Variants in TBC1D5 observed in about 807,000 individuals in gnomAD.
The protein encoded by TBC1D5 is TBC1 domain family, member 5.
In TBC1D5, 75 loss-of-function variants were observed where a neutral mutation model predicts 100.3. That is an observed-to-expected ratio of 0.75 (90% CI 0.62 to 0.91). TBC1D5 has a LOEUF of 0.91. TBC1D5 is among the 40% of genes least tolerant of loss of function. The pLI, the probability that TBC1D5 is intolerant of heterozygous loss-of-function variation, is 0.00. For synonymous variants in TBC1D5, 323 were observed against 325.6 expected (o/e 0.99, Z 0.09); for missense variants, 910 against 942.4 (o/e 0.97, Z 0.45).
chr3:17,300,717 T>C (rs1201184856), intron 14 of TBC1D5, among the ~76,000 whole-genome samples: 2 of 152,192 alleles, frequency 1.3e-5, no homozygotes, highest in South Asian at 2.1e-4. Flanking sequence ...TTTCCATTTA[T>C]GGTGTTCAAA....
chr3:17,513,713 A>G (rs1345299661), intron 2 of TBC1D5, among the ~76,000 whole-genome samples: 4 of 152,202 alleles, frequency 2.6e-5, no homozygotes, highest in Non-Finnish European at 5.9e-5. Flanking sequence ...TTCTCCTATA[A>G]GAAAAGCACA....
At chr3:17,666,432 C>G (rs752471274) in intron 1 of TBC1D5, among the ~76,000 whole-genome samples, 1 of 152,106 alleles carries the variant, frequency 6.6e-6, no homozygotes, top group Non-Finnish European at 1.5e-5. Context: ...AAGTAACATA[C>G]TAGAATCACC....
At chr3:17,341,171 C>T (rs924721217) in intron 13 of TBC1D5, among the ~76,000 whole-genome samples, 1 of 152,102 alleles carries the variant, frequency 6.6e-6, no homozygotes, top group African/African-American at 2.4e-5. Flanking sequence ...ATGTTGAGCA[C>T]TTTACATGTA....
At chr3:17,321,237 T>TA (rs1274539210) in intron 13 of TBC1D5, among the ~76,000 whole-genome samples, 7 of 152,224 alleles carry the variant, frequency 4.6e-5, no homozygotes, top group Non-Finnish European at 8.8e-5. Context: ...TCAGTTACTT[T>TA]AAAAAAACAT....
intron 2 of TBC1D5, among the ~76,000 whole-genome samples, chr3:17,523,239 T>A (rs79912166): frequency 0.023 from 3,448 of 152,246 alleles, 123 homozygotes; most frequent in African/African-American, 0.078. Context: ...TGAACCTTCT[T>A]CAGAAACTCA....
chr3:17,372,925 C>T (rs1419348958), intron 12 of TBC1D5, among the ~76,000 whole-genome samples: 1 of 152,100 alleles, frequency 6.6e-6, no homozygotes, highest in African/African-American at 2.4e-5. Context: ...TCCCTGTAAA[C>T]AGCCAGAGAG....
At chr3:17,742,253 G>GGGCGGTGCGGCAACCCGTCCGCCGTGGC (rs1358851402), upstream of TBC1D5, among the ~76,000 whole-genome samples, 11 of 152,292 alleles carry the variant, frequency 7.2e-5, no homozygotes, top group Non-Finnish European at 1.6e-4. Flanking sequence ...CACAAACGGG[G>GGGCGGTGCGGCAACCCGTCCGCCGTGGC]GGCGGTGCGG....
chr3:17,170,678 C>G (rs990487730), intron 19 of TBC1D5, among the ~76,000 whole-genome samples: 2 of 151,782 alleles, frequency 1.3e-5, no homozygotes, highest in Non-Finnish European at 2.9e-5. Flanking sequence ...GTCAGTGGCT[C>G]TAGTGGAAAA....
chr3:17,637,050 GT>G (rs1214259270), intron 1 of TBC1D5, among the ~76,000 whole-genome samples: 1 of 149,142 alleles, frequency 6.7e-6, no homozygotes, highest in African/African-American at 2.5e-5. Context: ...GAGACGGAGT[GT>G]CACTCTGTCG....
At chr3:17,416,592 A>T (rs2094079467) in intron 4 of TBC1D5, among the ~76,000 whole-genome samples, 1 of 152,232 alleles carries the variant, frequency 6.6e-6, no homozygotes, top group Non-Finnish European at 1.5e-5. Flanking sequence ...AAATAAGTCA[A>T]CTTAATTCCA....
At chr3:17,422,254 C>T (rs1055448429) in intron 4 of TBC1D5, among the ~76,000 whole-genome samples, 2 of 152,022 alleles carry the variant, frequency 1.3e-5, no homozygotes, top group Non-Finnish European at 2.9e-5. Context: ...CTGCAACCTC[C>T]GCCTCCCAGG....
intron 2 of TBC1D5, among the ~76,000 whole-genome samples, chr3:17,556,979 A>ATT (rs1357840130): frequency 1.3e-5 from 2 of 152,190 alleles, no homozygotes; most frequent in African/African-American, 4.8e-5. Flanking sequence ...GCAAATTTAC[A>ATT]TTTTTATATT....
intron 1 of TBC1D5, among the ~76,000 whole-genome samples, chr3:17,732,930 G>C (rs1349383400): frequency 6.6e-6 from 1 of 152,064 alleles, no homozygotes; most frequent in Non-Finnish European, 1.5e-5. Context: ...TTTTGTAGTA[G>C]TTTTGTGACA....
Position 17,178,592 on chromosome 3 carries a change from G to A in TBC1D5, c.1852+6517C>T, listed in dbSNP as rs529304256. Among the ~76,000 whole-genome samples the A allele has an allele frequency of 3.4e-3, 520 of 152,212 alleles. 4 individuals carry two copies. Among genetic ancestry groups the A allele is most frequent in the African/African-American group, 0.011 (472 of 41,546 alleles). On this transcript the variant is annotated intron_variant, in intron 19 of 21. Coordinates refer to ENST00000253692, the Ensembl canonical transcript of TBC1D5. ...TTTAGTTTTTAGGAACCTCCAAACTGTTCTCTATAGTAGCTGTACCAATTT... is the reference window on the plus strand; with the variant it reads ...TTTAGTTTTTAGGAACCTCCAAACTATTCTCTATAGTAGCTGTACCAATTT...
At chr3:17,738,947 C>T (rs1171724008) in intron 1 of TBC1D5, among the ~76,000 whole-genome samples, 3 of 152,188 alleles carry the variant, frequency 2.0e-5, no homozygotes, top group African/African-American at 7.2e-5. Context: ...CTAAACACTT[C>T]ACAGGTTTTT....
At chr3:17,252,536 G>A (rs557066167) in intron 16 of TBC1D5, among the ~76,000 whole-genome samples, 14 of 152,310 alleles carry the variant, frequency 9.2e-5, no homozygotes, top group African/African-American at 2.9e-4. Flanking sequence ...CTTACTAGGA[G>A]GGTTTCCTGG....
chr3:17,741,683 C>G (rs1341777594), upstream of TBC1D5, among the ~76,000 whole-genome samples: 1 of 151,698 alleles, frequency 6.6e-6, no homozygotes. Context: ...GTAACTAAAA[C>G]GAGTAACTGG....
At chr3:17,257,483 A>G (rs971646031) in intron 16 of TBC1D5, among the ~76,000 whole-genome samples, 3 of 152,210 alleles carry the variant, frequency 2.0e-5, no homozygotes, top group African/African-American at 7.2e-5. Flanking sequence ...AACAAACAGA[A>G]AAGAGCTTCA....
intron 18 of TBC1D5, among the ~76,000 whole-genome samples, chr3:17,190,289 C>G (rs2069704431): frequency 6.6e-6 from 1 of 151,988 alleles, no homozygotes; most frequent in South Asian, 2.1e-4. Flanking sequence ...AAGAGAGGTA[C>G]AAGATAAGTT....
Sources: allele counts gnomAD v4.1 joint callset (sites outside exome capture counted in the v4.1 genomes callset), GRCh38; gene constraint gnomAD v4.1.1; transcripts MANE v1.5; gene names NCBI Gene and HGNC (gene_info 2026-07-23, HGNC 2026-07-21).